The following ARHGAP17 variants were observed in gnomAD, a reference collection of about 807,000 sequenced individuals.
ARHGAP17 encodes Rho GTPase activating protein 17.
Under a neutral mutation model 99.5 loss-of-function variants are expected in ARHGAP17, and 57 were observed. That is an observed-to-expected ratio of 0.57 (90% CI 0.46 to 0.71). The LOEUF is 0.71. ARHGAP17 is among the 30% of genes least tolerant of loss of function. The pLI is 0.00. For synonymous variants in ARHGAP17, 417 were observed against 429.6 expected, an observed-to-expected ratio of 0.97 and a Z score of 0.36; for missense variants, 1,000 against 1,122.4, an observed-to-expected ratio of 0.89 and a Z score of 1.56.
chr16:24,931,258 G>T lies in ARHGAP17; in HGVS notation c.2041C>A (p.His681Asn). 1 of 1,538,776 alleles carries T rather than the reference G, an allele frequency of 6.5e-7. No homozygotes were observed. The highest frequency in any genetic ancestry group is 8.8e-7 in the Non-Finnish European group (1 of 1,142,836). ...GGCTGGCCTGGAGGCTGGCCCGTGT[G>T]CTGGGTGGGAGGAGAGGGGCTTCGG... ...PTRSPSPPTQ[H>N]TGQPPGQPSA... Residue 681 changes from histidine to asparagine, a missense_variant, in exon 19 of 20, where the codon CAC becomes AAC. Coordinates refer to ENST00000289968, the MANE Select transcript of ARHGAP17 (RefSeq NM_001006634.3).
intron 3 of ARHGAP17, among the ~76,000 whole-genome samples, chr16:24,970,918 C>T (rs1369424137): frequency 6.6e-6 from 1 of 152,124 alleles, no homozygotes; most frequent in Non-Finnish European, 1.5e-5. Context: ...GTCTGTCACC[C>T]AGGCTGCAAT....
chr16:24,965,419 C>G (rs1472481820), intron 6 of ARHGAP17, among the ~76,000 whole-genome samples: 1 of 152,114 alleles, frequency 6.6e-6, no homozygotes, highest in Non-Finnish European at 1.5e-5. Flanking sequence ...GCAGTGAGCC[C>G]AGACCAAGAT....
At chr16:24,993,329 T>C (rs1297466279) in intron 1 of ARHGAP17, among the ~76,000 whole-genome samples, 1 of 152,150 alleles carries the variant, frequency 6.6e-6, no homozygotes, top group Non-Finnish European at 1.5e-5. Flanking sequence ...CTCACGCCTG[T>C]AATCCCAGCA....
intron 18 of ARHGAP17, among the ~76,000 whole-genome samples, chr16:24,932,343 G>T (rs890025420): frequency 3.3e-5 from 5 of 152,096 alleles, no homozygotes; most frequent in Non-Finnish European, 1.5e-5. Flanking sequence ...GGCTTTAAAG[G>T]CCTATCGTTT....
In ARHGAP17 at chr16:24,964,817, G is replaced by A. The variant is rs559700500; in HGVS notation, c.462-509C>T. Among the ~76,000 whole-genome samples the A allele has an allele frequency of 4.6e-5, 7 of 152,300 alleles. No individual in the cohort carries two copies. The South Asian group carries it at 6.2e-4, about 14-fold the overall frequency. The stretch of plus-strand genomic sequence containing the variant: ...AAGTAAAAGCCAGAACTTCAATAGT[G>A]TAGCTATGAGGCTGGGTGCGGTGGC... On this transcript the variant is annotated intron_variant, in intron 6 of 19. Coordinates refer to ENST00000289968, the MANE Select transcript of ARHGAP17 (RefSeq NM_001006634.3).
chr16:24,976,593 CAAAAAGAAAAGA>C (rs1444407754), intron 3 of ARHGAP17, among the ~76,000 whole-genome samples: 1 of 148,220 alleles, frequency 6.7e-6, no homozygotes, highest in Non-Finnish European at 1.5e-5. Flanking sequence ...GGAAGGGAAG[CAAAAAGAAAAGA>C]AAAAAGAAAA....
In ARHGAP17 at chr16:24,954,659, C is replaced by A. The variant is rs1421883860; in HGVS notation, c.796G>T (p.Ala266Ser). The change falls in exon 10 of 20, where the codon GCG becomes TCG. Residue 266 changes from alanine (A) to serine (S), a missense_variant. Transcript: ENST00000289968. ...EHLKRSGREI[A>S]LPIEACVMLL... is the part of the protein sequence containing the mutation. ...ATGACACAGGCTTCAATGGGCAGCG[C>A]AATCTCGCGCCCGCTCCTCTTCAGG... 1.2e-6 allele frequency: 2 copies of A among 1,613,970 alleles called. No individual in the cohort carries two copies. Among genetic ancestry groups the A allele is most frequent in the Non-Finnish European group, 1.7e-6 (2 of 1,179,986 alleles).
At chr16:25,015,170 C>G in intron 1 of ARHGAP17, 39 bp downstream of exon 1, 1 of 1,259,706 alleles carries the variant, frequency 7.9e-7, no homozygotes, top group South Asian at 3.0e-5. Context: ...CCTCCGCCCC[C>G]AGCCCCGGTG....
At chr16:24,930,330 G>C (rs1484906736) in intron 19 of ARHGAP17, among the ~76,000 whole-genome samples, 1 of 152,148 alleles carries the variant, frequency 6.6e-6, no homozygotes, top group African/African-American at 2.4e-5. Flanking sequence ...ACTCTTAGAA[G>C]TACTGTTTAA....
At chr16:24,977,383 G>C in intron 2 of ARHGAP17, 64 bp from the exon 3 acceptor site, 5 of 1,350,068 alleles carry the variant, frequency 3.7e-6, no homozygotes, top group Non-Finnish European at 5.1e-6. Context: ...CTGCATGCTG[G>C]TAGGAAAAGC....
intron 1 of ARHGAP17, among the ~76,000 whole-genome samples, chr16:24,997,717 C>A (rs1446141042): frequency 6.6e-6 from 1 of 152,084 alleles, no homozygotes; most frequent in African/African-American, 2.4e-5. Context: ...GGGGGAGGAG[C>A]TGAGGATGAC....
intron 1 of ARHGAP17, among the ~76,000 whole-genome samples, chr16:24,989,769 T>C (rs1285840427): frequency 6.6e-6 from 1 of 152,154 alleles, no homozygotes; most frequent in Non-Finnish European, 1.5e-5. Context: ...CAGAAAGATA[T>C]ATACCACATG....
At chr16:24,980,220 T>C (rs543419730) in intron 1 of ARHGAP17, among the ~76,000 whole-genome samples, 6 of 152,278 alleles carry the variant, frequency 3.9e-5, no homozygotes, top group African/African-American at 1.4e-4. Context: ...CTCAGAGTAG[T>C]GCCAACTGTG....
chr16:24,929,237 C>A (rs1441240387), intron 19 of ARHGAP17, among the ~76,000 whole-genome samples: 1 of 151,696 alleles, frequency 6.6e-6, no homozygotes, highest in Non-Finnish European at 1.5e-5. Flanking sequence ...ACAATCACTA[C>A]CCACTGCAGT....
intron 18 of ARHGAP17, among the ~76,000 whole-genome samples, chr16:24,932,874 G>A (rs896636357): frequency 8.5e-5 from 13 of 152,070 alleles, no homozygotes; most frequent in Non-Finnish European, 1.5e-5. Context: ...CTCTAAGAAA[G>A]AAGGAGAAGG....
rs902979061 is a variant in ARHGAP17 at position 24,927,657 on chromosome 16, T to C, written c.2515+3127A>G. ...ATGATCATCAAGTAGCAAAAATGCA[T>C]TGGCCAATCAGGTGCCTTTTCCTTA... On this transcript the variant is annotated intron_variant, in intron 19 of 19. Transcript: ENST00000289968. The C allele has an allele frequency of 6.9e-6, 8 of 1,154,884 alleles. No individual in the cohort carries two copies. In the East Asian group the frequency reaches 4.2e-4, roughly 61 times the overall value. The allele number at this position is 1,154,884 out of a possible 1,614,324, so 71.5% of individuals were successfully genotyped here.
chr16:24,933,907 T>G (rs2152450707), intron 18 of ARHGAP17, among the ~76,000 whole-genome samples: 1 of 151,620 alleles, frequency 6.6e-6, no homozygotes, highest in Non-Finnish European at 1.5e-5. Flanking sequence ...AGGAAAAGAG[T>G]CTTCTTAATC....
rs574681904 is a variant in ARHGAP17 at position 24,975,705 on chromosome 16, C to T, written c.198+1510G>A. ...CTATTAATAGTTCTCACTTTTGAGACACCTGGTGACAATACACCAAATCAT... is the reference window on the plus strand; with the variant it reads ...CTATTAATAGTTCTCACTTTTGAGATACCTGGTGACAATACACCAAATCAT... On this transcript the variant is annotated intron_variant, in intron 3 of 19. Coordinates refer to ENST00000289968, the MANE Select transcript of ARHGAP17 (RefSeq NM_001006634.3). Among the ~76,000 whole-genome samples, 3 of 152,328 alleles carry T rather than the reference C, an allele frequency of 2.0e-5. No homozygotes were observed. The East Asian group carries it at 5.8e-4, about 29-fold the overall frequency.
intron 3 of ARHGAP17, among the ~76,000 whole-genome samples, chr16:24,976,014 G>A (rs1470491028): frequency 6.7e-6 from 1 of 150,030 alleles, no homozygotes; most frequent in East Asian, 1.9e-4. Flanking sequence ...CTATGAGCTA[G>A]GAGTAGGACC....
Sources: gnomAD v4.1 joint callset for allele counts (sites outside exome capture counted in the v4.1 genomes callset) on GRCh38, gnomAD v4.1.1 for gene constraint, MANE v1.5 for transcripts, NCBI Gene and HGNC (gene_info 2026-07-23, HGNC 2026-07-21) for gene names.